The following ENPP6 variants were observed in gnomAD, a reference collection of about 807,000 sequenced individuals.
The protein encoded by ENPP6 is glycerophosphocholine cholinephosphodiesterase ENPP6.
Under a neutral mutation model 42.0 loss-of-function variants are expected in ENPP6, and 32 were observed. The ratio of observed to expected loss-of-function variants is 0.76; its 90% CI spans 0.58 to 1.02. The LOEUF (loss-of-function observed/expected upper bound fraction) is 1.02, where lower values mean the gene tolerates loss of function less well. Among genes scored for constraint, ENPP6 ranks in the 50% least tolerant of loss-of-function variants. ENPP6 has a pLI of 0.00. For missense variants in ENPP6, 552 were observed against 566.8 expected, an observed-to-expected ratio of 0.97 and a Z score of 0.27; for synonymous variants, 213 against 216.0, an observed-to-expected ratio of 0.99 and a Z score of 0.12.
At chr4:184,104,276 A>T (rs1029031895) in intron 6 of ENPP6, among the ~76,000 whole-genome samples, 1 of 152,242 alleles carries the variant, frequency 6.6e-6, no homozygotes, top group African/African-American at 2.4e-5. Context: ...ATTCAACCAC[A>T]GGCTTTAGAA....
At chr4:184,097,183 C>T in intron 7 of ENPP6, 62 bp downstream of exon 7, 1 of 1,604,028 alleles carries the variant, frequency 6.2e-7, no homozygotes, top group East Asian at 2.2e-5. Flanking sequence ...CACCCGTAGC[C>T]CCCCTTACAG....
chr4:184,174,556 T>A (rs1285997605), intron 1 of ENPP6, among the ~76,000 whole-genome samples: 2 of 96,834 alleles, frequency 2.1e-5, no homozygotes, highest in African/African-American at 6.7e-5. Flanking sequence ...TATCCTCCCA[T>A]TGACCTTCTG....
intron 3 of ENPP6, among the ~76,000 whole-genome samples, chr4:184,119,231 G>C (rs1459228417): frequency 6.6e-6 from 1 of 151,468 alleles, no homozygotes; most frequent in African/African-American, 2.4e-5. Context: ...TAACATTATG[G>C]TTTGATTATC....
intron 5 of ENPP6, among the ~76,000 whole-genome samples, chr4:184,113,953 T>TTCTTTCTC (rs1736269289): frequency 1.4e-5 from 2 of 142,048 alleles, no homozygotes; most frequent in Admixed American, 7.0e-5. Context: ...CTTTCTTTCT[T>TTCTTTCTC]TCTTTCTTTC....
intron 1 of ENPP6, 148 bp downstream of exon 1, chr4:184,217,427 GCCAA>G: frequency 8.6e-7 from 1 of 1,165,278 alleles, no homozygotes; most frequent in South Asian, 1.7e-5. Flanking sequence ...AGTCTTCTCA[GCCAA>G]GAACACAGAT....
At chr4:184,189,381 C>T (rs935721333) in intron 1 of ENPP6, among the ~76,000 whole-genome samples, 2 of 152,204 alleles carry the variant, frequency 1.3e-5, no homozygotes, top group African/African-American at 4.8e-5. Context: ...CAAATCCTAC[C>T]TCAAATCAGG....
intron 1 of ENPP6, among the ~76,000 whole-genome samples, chr4:184,180,365 A>G (rs1285852545): frequency 6.6e-6 from 1 of 152,126 alleles, no homozygotes; most frequent in Non-Finnish European, 1.5e-5. Context: ...AGCCAGTAAT[A>G]AATAATCCAC....
chr4:184,198,000 C>A (rs1004731448), intron 1 of ENPP6, among the ~76,000 whole-genome samples: 1 of 152,028 alleles, frequency 6.6e-6, no homozygotes, highest in Non-Finnish European at 1.5e-5. Context: ...GCCTTAAGGG[C>A]GAGAGAGGCA....
In ENPP6 at chr4:184,150,818, T is replaced by C. The variant is rs534582213; in HGVS notation, c.421+2736A>G. Among the ~76,000 whole-genome samples, 7 of 152,348 alleles carry C rather than the reference T, an allele frequency of 4.6e-5. No individual in the cohort carries two copies. The South Asian group carries it at 8.3e-4, about 18-fold the overall frequency. ...TTCATTTAGGTCACTGAGGAAACTC[T>C]AGGAGGCTATCTTTATAGCTTCTTT... On this transcript the variant is annotated intron_variant, in intron 2 of 7. Transcript: ENST00000296741.
intron 2 of ENPP6, among the ~76,000 whole-genome samples, chr4:184,131,258 C>CTTTCTCTTTCTTTCCTTCTT (rs1289670998): frequency 8.3e-5 from 3 of 36,190 alleles, no homozygotes. Context: ...CTTTCTCTTT[C>CTTTCTCTTTCTTTCCTTCTT]TCTTCCTTCC....
chr4:184,131,372 G>A (rs1481191561), intron 2 of ENPP6, among the ~76,000 whole-genome samples: 1 of 110,830 alleles, frequency 9.0e-6, no homozygotes, highest in African/African-American at 3.5e-5. Flanking sequence ...CTTTTTTTTT[G>A]AGATGGAGTC....
chr4:184,182,940 A>G (rs1295907856), intron 1 of ENPP6, among the ~76,000 whole-genome samples: 1 of 152,240 alleles, frequency 6.6e-6, no homozygotes, highest in Non-Finnish European at 1.5e-5. Context: ...TGATAGGTGC[A>G]GCCAACCACC....
chr4:184,199,594 A>G (rs1464906245), intron 1 of ENPP6, among the ~76,000 whole-genome samples: 1 of 152,190 alleles, frequency 6.6e-6, no homozygotes, highest in East Asian at 1.9e-4. Flanking sequence ...AGGAGAGCCC[A>G]AGGCTTGGGT....
intron 1 of ENPP6, among the ~76,000 whole-genome samples, chr4:184,202,785 G>A (rs1212274157): frequency 1.3e-5 from 2 of 152,202 alleles, no homozygotes; most frequent in African/African-American, 2.4e-5. Flanking sequence ...TAAGACAGAC[G>A]TGGTGTGGAA....
intron 6 of ENPP6, among the ~76,000 whole-genome samples, chr4:184,107,069 G>A (rs923585583): frequency 9.9e-5 from 15 of 152,158 alleles, no homozygotes; most frequent in African/African-American, 3.4e-4. Flanking sequence ...AACCCAACCT[G>A]CCCCAGGCCC....
intron 1 of ENPP6, among the ~76,000 whole-genome samples, chr4:184,163,179 A>G (rs757630384): frequency 3.9e-5 from 6 of 152,190 alleles, no homozygotes; most frequent in East Asian, 1.9e-4. Flanking sequence ...GAGACCACAC[A>G]AGCTGAGAGT....
intron 1 of ENPP6, among the ~76,000 whole-genome samples, chr4:184,199,768 G>T (rs141055849): frequency 6.6e-6 from 1 of 152,162 alleles, no homozygotes; most frequent in South Asian, 2.1e-4. Context: ...AAAACAGGTC[G>T]AATTGGAGCT....
At chr4:184,135,427 A>G (rs1035748732) in intron 2 of ENPP6, among the ~76,000 whole-genome samples, 11 of 152,212 alleles carry the variant, frequency 7.2e-5, no homozygotes, top group Admixed American at 5.2e-4. Flanking sequence ...ATAAAAATTG[A>G]TATCAACATG....
In ENPP6 at chr4:184,128,148, A is replaced by T. The variant is rs1023408916; in HGVS notation, c.422-3876T>A. Among the ~76,000 whole-genome samples the T allele has an allele frequency of 5.3e-5, 8 of 152,346 alleles. No homozygotes were observed. In the East Asian group the frequency reaches 1.3e-3, roughly 26 times the overall value. ...GAATGAATAAAAAAGGAGAAAACCA[A>T]ATTTATTAACTTCAAAATTATTGTG... On this transcript the variant is annotated intron_variant, in intron 2 of 7. Transcript: ENST00000296741.
Sources: gnomAD v4.1 joint callset for allele counts (sites outside exome capture counted in the v4.1 genomes callset) on GRCh38, gnomAD v4.1.1 for gene constraint, MANE v1.5 for transcripts, NCBI Gene and HGNC (gene_info 2026-07-23, HGNC 2026-07-21) for gene names.